Variants in SEC16B observed in about 807,000 individuals in gnomAD.
The protein encoded by SEC16B is SEC16 homolog B, endoplasmic reticulum export factor.
SEC16B carries 115 observed loss-of-function variants against 141.8 expected under a neutral mutation model. The observed-to-expected ratio is 0.81, with a 90% CI of 0.70 to 0.95. SEC16B has a LOEUF of 0.95. Among genes scored for constraint, SEC16B ranks in the 40% least tolerant of loss-of-function variants. The pLI, the probability that SEC16B is intolerant of heterozygous loss-of-function variation, is 0.00. For synonymous variants in SEC16B, 493 were observed against 492.5 expected, an observed-to-expected ratio of 1.00 and a Z score of -0.01; for missense variants, 1,291 against 1,312.3, an observed-to-expected ratio of 0.98 and a Z score of 0.25.
intron 24 of SEC16B, 45 bp downstream of exon 24, chr1:177,932,445 G>A (rs1263452699): frequency 1.4e-6 from 2 of 1,390,698 alleles, no homozygotes; most frequent in Non-Finnish European, 1.9e-6. Context: ...CTCACACACA[G>A]GCATCTGCTG....
rs1653695211 is a variant in SEC16B, at chr1:177,968,045, G to A, written c.-58-6C>T. On this transcript the variant is annotated splice_polypyrimidine_tract_variant and splice_region_variant and intron_variant, in intron 1 of 25. Transcript: ENST00000308284. ...TGTGCAGTTATTTTATCTTCCTGCA[G>A]ACAAAAGAAAAAGGAAAAAATCATC... 1 of 1,455,054 alleles carries A rather than the reference G, an allele frequency of 6.9e-7. No homozygotes were observed. The allele number at this position is 1,455,054 out of a possible 1,614,324, so 90.1% of individuals were successfully genotyped here.
At chr1:177,964,344 C>T (rs1255861617) in intron 4 of SEC16B, 65 bp from the exon 5 acceptor site, 2 of 1,186,078 alleles carry the variant, frequency 1.7e-6, no homozygotes, top group Non-Finnish European at 2.4e-6. Context: ...GAGGCACTCT[C>T]CGCCGGAAGC....
At chr1:177,969,030 C>T (rs189472792) in intron 1 of SEC16B, among the ~76,000 whole-genome samples, 296 of 152,286 alleles carry the variant, frequency 1.9e-3, no homozygotes, top group African/African-American at 6.7e-3. Context: ...AAGGAAAGCA[C>T]GCCTCAGATC....
At chr1:177,930,335 A>G (rs1169046876) in intron 25 of SEC16B, among the ~76,000 whole-genome samples, 2 of 152,092 alleles carry the variant, frequency 1.3e-5, no homozygotes, top group Non-Finnish European at 2.9e-5. Context: ...TTTATTGACC[A>G]TTTTCTGGGT....
At chr1:177,934,931 A>G (rs1197255547) in intron 20 of SEC16B, among the ~76,000 whole-genome samples, 3 of 152,004 alleles carry the variant, frequency 2.0e-5, no homozygotes, top group African/African-American at 7.2e-5. Flanking sequence ...AGGCCCCATA[A>G]GTTTACCTCT....
chr1:177,941,845 C>A, intron 16 of SEC16B, 55 bp downstream of exon 16: 1 of 1,579,218 alleles, frequency 6.3e-7, no homozygotes, highest in Non-Finnish European at 8.6e-7. Flanking sequence ...TCTACGATGG[C>A]TTTCTCTGAA....
At chr1:177,946,392 A>T in intron 14 of SEC16B, 28 bp downstream of exon 14, 1 of 1,466,000 alleles carries the variant, frequency 6.8e-7, no homozygotes, top group Non-Finnish European at 9.4e-7. Context: ...AAATGTCCTT[A>T]CTGTTTCCTT....
intron 3 of SEC16B, 62 bp downstream of exon 3, chr1:177,965,831 T>C: frequency 9.7e-7 from 1 of 1,034,900 alleles, no homozygotes; most frequent in Non-Finnish European, 1.5e-6. Context: ...GTCTCTCCCC[T>C]GCCTCTCAGA....
chr1:177,960,556 A>G, intron 7 of SEC16B, 153 bp from the exon 8 acceptor site: 2 of 709,664 alleles, frequency 2.8e-6, no homozygotes, highest in Non-Finnish European at 4.8e-6. Context: ...TTTTGTTGCT[A>G]AAGATGAGAC....
At position 177,947,832 on chromosome 1, in the gene SEC16B, G is replaced by A; in HGVS notation, c.1656C>T (p.Asp552=). 2 of 1,546,564 alleles carry A rather than the reference G, an allele frequency of 1.3e-6. No homozygotes were observed. Among genetic ancestry groups the A allele is most frequent in the Non-Finnish European group, 1.7e-6 (2 of 1,145,930 alleles). The change falls in exon 13 of 26, where the codon GAC becomes GAT. Residue 552 remains aspartate, a synonymous_variant. Coordinates refer to ENST00000308284, the MANE Select transcript of SEC16B (RefSeq NM_033127.4). The part of the protein sequence containing the change: ...LYQRAIVAIG[D]TLAGKGLVEA... ...AATGCTGGTGTCGCTTACCCAGGGT[G>A]TCCCCAATGGCAACAATCGCACGCT... is the stretch of plus-strand genomic sequence containing the variant.
chr1:177,946,088 A>T, intron 14 of SEC16B: 1 of 559,444 alleles, frequency 1.8e-6, no homozygotes, highest in African/African-American at 1.9e-5. Flanking sequence ...ACAAGCCTCC[A>T]CATGTAAAAT....
chr1:177,953,718 T>G (rs74991717), intron 11 of SEC16B, among the ~76,000 whole-genome samples: 3,575 of 152,314 alleles, frequency 0.023, 61 homozygotes, highest in Non-Finnish European at 0.037. Context: ...CAGATCACAG[T>G]GTGCTGGCGT....
At chr1:177,976,190 T>C (rs1654164037) in intron 1 of SEC16B, among the ~76,000 whole-genome samples, 2 of 152,212 alleles carry the variant, frequency 1.3e-5, no homozygotes, top group Admixed American at 1.3e-4. Context: ...CCACCTCTGC[T>C]GCCAAGAGCT....
intron 1 of SEC16B, among the ~76,000 whole-genome samples, chr1:177,977,495 TG>T: frequency 6.6e-6 from 1 of 152,338 alleles, no homozygotes; most frequent in African/African-American, 2.4e-5. Flanking sequence ...TCAGTTTACC[TG>T]AGATGGGTAG....
chr1:177,949,140 AG>A (rs1401506678), intron 12 of SEC16B, among the ~76,000 whole-genome samples: 3 of 152,194 alleles, frequency 2.0e-5, no homozygotes, highest in Non-Finnish European at 4.4e-5. Context: ...TTTTATACCC[AG>A]TCCTTGTTGA....
intron 20 of SEC16B, among the ~76,000 whole-genome samples, chr1:177,935,781 T>C (rs77563551): frequency 0.13 from 19,772 of 152,164 alleles, 1,551 homozygotes; most frequent in Non-Finnish European, 0.17. Flanking sequence ...CGCCTCAGGT[T>C]TGGGACCAAC....
chr1:177,941,071 A>C (rs1651236369), intron 16 of SEC16B, among the ~76,000 whole-genome samples: 1 of 152,242 alleles, frequency 6.6e-6, no homozygotes, highest in Non-Finnish European at 1.5e-5. Flanking sequence ...TAAACTTGTT[A>C]AAATGCTAAT....
intron 25 of SEC16B, 58 bp downstream of exon 25, chr1:177,930,487 T>A: frequency 8.7e-7 from 1 of 1,149,782 alleles, no homozygotes; most frequent in Non-Finnish European, 1.3e-6. Context: ...TAAACCTAGG[T>A]CTCCTTAATC....
At chr1:177,966,460 G>A (rs1280822067) in intron 2 of SEC16B, among the ~76,000 whole-genome samples, 1 of 152,128 alleles carries the variant, frequency 6.6e-6, no homozygotes, top group Non-Finnish European at 1.5e-5. Flanking sequence ...ACTATGTTAA[G>A]TCTGATTACT....
Sources: gnomAD v4.1 joint callset for allele counts (sites outside exome capture counted in the v4.1 genomes callset) on GRCh38, gnomAD v4.1.1 for gene constraint, MANE v1.5 for transcripts, NCBI Gene and HGNC (gene_info 2026-07-23, HGNC 2026-07-21) for gene names.